Variants in FKBP7 observed in about 807,000 individuals in gnomAD.
FKBP7 encodes FKBP prolyl isomerase 7.
Under a neutral mutation model 24.3 loss-of-function variants are expected in FKBP7, and 24 were observed. The ratio of observed to expected loss-of-function variants is 0.99; its 90% CI spans 0.72 to 1.39. The LOEUF is 1.39. Ranked by LOEUF, FKBP7 falls within the 40% of genes most tolerant of loss-of-function variation. The probability of loss-of-function intolerance (pLI) is 0.00; values close to 1 mark genes in which losing one functional copy is unlikely to be tolerated. For missense variants in FKBP7, 257 were observed against 269.5 expected (o/e 0.95, Z 0.33); for synonymous variants, 98 against 92.8 (o/e 1.06, Z -0.32).
In FKBP7 at chr2:178,464,569, T is replaced by G. The variant is rs1312539813; in HGVS notation, c.*1201A>C. 7 of 152,174 alleles carry G rather than the reference T, an allele frequency of 4.6e-5. No homozygotes were observed. Among genetic ancestry groups the G allele is most frequent in the Admixed American group, 3.9e-4 (6 of 15,282 alleles). The allele number at this position is 152,174 out of a possible 1,614,324, so 9.4% of individuals were successfully genotyped here. A position where few individuals can be genotyped will look rare whatever the true frequency, so the allele number is the denominator to read the frequency against. The stretch of plus-strand genomic sequence containing the variant: ...AACAGCACGGGGAAAACCACCCCCA[T>G]GATTCAGTTACCTCCACCTGGTCTC... On this transcript the variant is annotated 3_prime_UTR_variant, in exon 4 of 4. Coordinates refer to ENST00000424785, the MANE Select transcript of FKBP7 (RefSeq NM_181342.3).
At chr2:178,478,168 T>C in intron 1 of FKBP7, 111 bp downstream of exon 1, 1 of 1,197,242 alleles carries the variant, frequency 8.4e-7, no homozygotes, top group Non-Finnish European at 1.2e-6. Context: ...GGCTCAACTT[T>C]TACCGTTAAA....
intron 2 of FKBP7, among the ~76,000 whole-genome samples, 195 bp downstream of exon 2, chr2:178,476,867 G>A (rs1382266031): frequency 6.6e-6 from 1 of 151,846 alleles, no homozygotes; most frequent in Non-Finnish European, 1.5e-5. Context: ...TATTCATTTT[G>A]TTTATCCATT....
intron 2 of FKBP7, among the ~76,000 whole-genome samples, chr2:178,476,096 A>C (rs970811936): frequency 6.6e-6 from 1 of 152,198 alleles, no homozygotes; most frequent in Non-Finnish European, 1.5e-5. Flanking sequence ...ATAAATATTT[A>C]TGTAATAATA....
At chr2:178,469,100 G>C (rs563075870) in intron 3 of FKBP7, among the ~76,000 whole-genome samples, 1 of 152,080 alleles carries the variant, frequency 6.6e-6, no homozygotes, top group African/African-American at 2.4e-5. Flanking sequence ...TGAACTCCTG[G>C]GCTCAAGCAA....
chr2:178,478,256 G>A (rs903858120), intron 1 of FKBP7, 23 bp downstream of exon 1: 3 of 1,612,638 alleles, frequency 1.9e-6, no homozygotes, highest in African/African-American at 1.3e-5. Flanking sequence ...CTGGACGCAC[G>A]GGCAGCTCGC....
chr2:178,467,735 A>G (rs1684714004), intron 3 of FKBP7: 1 of 152,176 alleles, frequency 6.6e-6, no homozygotes, highest in East Asian at 1.9e-4. Flanking sequence ...GATTTTCTCT[A>G]TTTTTATTTT....
At chr2:178,470,215 T>C (rs1684812823) in intron 2 of FKBP7, among the ~76,000 whole-genome samples, 1 of 152,242 alleles carries the variant, frequency 6.6e-6, no homozygotes, top group South Asian at 2.1e-4. Context: ...GTAATAAACA[T>C]GTACAGACTT....
Position 178,464,361 on chromosome 2 carries a change from T to C in FKBP7, c.*1409A>G, listed in dbSNP as rs181047840. The C allele has an allele frequency of 3.9e-5, 6 of 152,344 alleles. No homozygotes were observed. The East Asian group carries it at 7.7e-4, about 20-fold the overall frequency. 9.4% of individuals were successfully genotyped at this position (152,344 alleles called of 1,614,324 possible). A position where few individuals can be genotyped will look rare whatever the true frequency, so the allele number is the denominator to read the frequency against. On this transcript the variant is annotated 3_prime_UTR_variant, in exon 4 of 4. Transcript: ENST00000424785. ...ACTGCTATAAAGAACTGCCCCAGAC[T>C]GGGTAATTTGTAAAGGAAAGAGGTT...
At chr2:178,470,196 GT>G (rs1197339236) in intron 2 of FKBP7, among the ~76,000 whole-genome samples, 1 of 152,144 alleles carries the variant, frequency 6.6e-6, no homozygotes, top group Admixed American at 6.5e-5. Context: ...AAAAAGGATA[GT>G]TGTGTCTGTA....
rs1684630076 is a variant in FKBP7, at chr2:178,465,569, T to C, written c.*201A>G. The C allele has an allele frequency of 2.4e-6, 1 of 410,292 alleles. No homozygotes were observed. The highest frequency in any genetic ancestry group is 2.1e-5 in the African/African-American group (1 of 48,394). The allele number at this position is 410,292 out of a possible 1,614,324, so 25.4% of individuals were successfully genotyped here. A position where few individuals can be genotyped will look rare whatever the true frequency, so the allele number is the denominator to read the frequency against. ...AATTCTTGTTTACAGAATAAAGCAGTAGGAAACACAGTCATACCATTCCTG... is the reference window on the plus strand; with the variant it reads ...AATTCTTGTTTACAGAATAAAGCAGCAGGAAACACAGTCATACCATTCCTG... On this transcript the variant is annotated 3_prime_UTR_variant, in exon 4 of 4. Coordinates refer to ENST00000424785, the MANE Select transcript of FKBP7 (RefSeq NM_181342.3).
intron 3 of FKBP7, among the ~76,000 whole-genome samples, chr2:178,469,214 A>G (rs1425961372): frequency 6.6e-6 from 1 of 152,206 alleles, no homozygotes; most frequent in Non-Finnish European, 1.5e-5. Context: ...AGGCTGAGAT[A>G]CAGACGCTAG....
In FKBP7 at chr2:178,465,472, T is replaced by A; in HGVS notation, c.*298A>T. On this transcript the variant is annotated 3_prime_UTR_variant, in exon 4 of 4. Transcript: ENST00000424785. ...AAAGCTTGCAGTTTTTGACATACTA[T>A]ACATGTCCTCCTACATCCTGAAAGG... 4.8e-6 allele frequency: 1 copy of A among 206,370 alleles called. No homozygotes were observed. Among genetic ancestry groups the A allele is most frequent in the Non-Finnish European group, 9.6e-6 (1 of 104,486 alleles). 12.8% of individuals were successfully genotyped at this position (206,370 alleles called of 1,614,324 possible).
Position 178,478,562 on chromosome 2 carries a change from G to A in FKBP7, c.-63C>T, listed in dbSNP as rs1685082173. The A allele has an allele frequency of 1.3e-6, 2 of 1,597,254 alleles. No individual in the cohort carries two copies. The highest frequency in any genetic ancestry group is 1.3e-5 in the African/African-American group (1 of 74,442). ...ACTCGCGCCCCGTGGATGTCCCGCG[G>A]CCGAGTTCCGACGCGTGGCAGGCGT... On this transcript the variant is annotated 5_prime_UTR_variant, in exon 1 of 4. Coordinates refer to ENST00000424785, the MANE Select transcript of FKBP7 (RefSeq NM_181342.3).
At chr2:178,473,187 C>A (rs1356704390) in intron 2 of FKBP7, 1 of 773,614 alleles carries the variant, frequency 1.3e-6, no homozygotes, top group South Asian at 1.4e-5. Context: ...TAACAACTTA[C>A]TTTTAAATGC....
Position 178,469,775 on chromosome 2 carries a change from C to T in FKBP7, c.384G>A (p.Lys128=). ...AYGKEGYAEG[K]IPPDATLIFE... ...AAATCAATGTAGCATCCGGTGGAAT[C>T]TTGCCTTCTGCTAAGGGTATAAATT... The change falls in exon 3 of 4, where the codon AAG becomes AAA. Residue 128 remains lysine, a synonymous_variant. Transcript: ENST00000424785. 1 of 1,613,306 alleles carries T rather than the reference C, an allele frequency of 6.2e-7. No individual in the cohort carries two copies. Among genetic ancestry groups the T allele is most frequent in the Non-Finnish European group, 8.5e-7 (1 of 1,179,828 alleles).
intron 2 of FKBP7, among the ~76,000 whole-genome samples, chr2:178,474,354 A>C (rs1684941822): frequency 6.6e-6 from 1 of 152,240 alleles, no homozygotes; most frequent in Non-Finnish European, 1.5e-5. Context: ...CTGTTCTGCT[A>C]CATGCAATTT....
intron 2 of FKBP7, among the ~76,000 whole-genome samples, chr2:178,475,970 A>T (rs376219984): frequency 9.9e-5 from 15 of 152,180 alleles, no homozygotes; most frequent in Non-Finnish European, 2.2e-4. Flanking sequence ...AGCCCATTAT[A>T]TCTCAGCTGT....
intron 2 of FKBP7, among the ~76,000 whole-genome samples, chr2:178,469,997 C>G (rs1312101554): frequency 6.7e-6 from 1 of 148,678 alleles, no homozygotes; most frequent in Non-Finnish European, 1.5e-5. Flanking sequence ...TTTATAAATA[C>G]TTTTTTAGGA....
rs1283687473 is a variant in FKBP7 at position 178,478,527 on chromosome 2, C to T, written c.-28G>A. On this transcript the variant is annotated 5_prime_UTR_variant, in exon 1 of 4. Coordinates refer to ENST00000424785, the MANE Select transcript of FKBP7 (RefSeq NM_181342.3). ...GCTCCAGCAGAACACTGCTCTCCCT[C>T]CCGCGTGTCACTCGCGCCCCGTGGA... 12 of 1,611,126 alleles carry T rather than the reference C, an allele frequency of 7.4e-6. No homozygotes were observed. The highest frequency in any genetic ancestry group is 6.7e-5 in the Admixed American group (4 of 59,692).
Sources: allele counts gnomAD v4.1 joint callset (sites outside exome capture counted in the v4.1 genomes callset), GRCh38; gene constraint gnomAD v4.1.1; transcripts MANE v1.5; gene names NCBI Gene and HGNC (gene_info 2026-07-23, HGNC 2026-07-21).